Variants in KCTD8 observed in about 807,000 individuals in gnomAD.
The protein encoded by KCTD8 is BTB/POZ domain-containing protein KCTD8.
In KCTD8, 27 loss-of-function variants were observed where a neutral mutation model predicts 31.5. The ratio of observed to expected loss-of-function variants is 0.86; its 90% CI spans 0.63 to 1.18. KCTD8 has a LOEUF of 1.18. Among genes scored for constraint, KCTD8 ranks in the 50% most tolerant of loss-of-function variants. The pLI is 0.00. For synonymous variants in KCTD8, 290 were observed against 280.0 expected, an observed-to-expected ratio of 1.04 and a Z score of -0.36; for missense variants, 658 against 647.7, an observed-to-expected ratio of 1.02 and a Z score of -0.17.
At chr4:44,340,720 C>A (rs766413299) in intron 1 of KCTD8, among the ~76,000 whole-genome samples, 1 of 151,940 alleles carries the variant, frequency 6.6e-6, no homozygotes, top group Non-Finnish European at 1.5e-5. Flanking sequence ...ACAACGTAAA[C>A]CTGAGCAAAA....
At chr4:44,272,333 A>G (rs1716637350) in intron 1 of KCTD8, among the ~76,000 whole-genome samples, 1 of 151,894 alleles carries the variant, frequency 6.6e-6, no homozygotes, top group African/African-American at 2.4e-5. Flanking sequence ...AAATAAGCAA[A>G]AAAATTTTTT....
chr4:44,319,689 G>T (rs1484814063), intron 1 of KCTD8, among the ~76,000 whole-genome samples: 1 of 152,064 alleles, frequency 6.6e-6, no homozygotes, highest in African/African-American at 2.4e-5. Flanking sequence ...GGAAAGAAAA[G>T]AATCTGGAAT....
intron 1 of KCTD8, among the ~76,000 whole-genome samples, chr4:44,260,214 T>C (rs1370472848): frequency 6.6e-6 from 1 of 151,888 alleles, no homozygotes; most frequent in East Asian, 1.9e-4. Context: ...GAATATCTTC[T>C]AGGAAATATA....
chr4:44,236,228 T>C (rs1008807392), intron 1 of KCTD8, among the ~76,000 whole-genome samples: 2 of 152,124 alleles, frequency 1.3e-5, no homozygotes, highest in African/African-American at 4.8e-5. Flanking sequence ...TATCTTTTGG[T>C]GTCTTCCACT....
At chr4:44,328,037 A>G (rs1173463283) in intron 1 of KCTD8, among the ~76,000 whole-genome samples, 1 of 151,894 alleles carries the variant, frequency 6.6e-6, no homozygotes, top group Non-Finnish European at 1.5e-5. Context: ...CACATCAAAT[A>G]CTAATTTATT....
At chr4:44,269,050 C>T (rs1181676367) in intron 1 of KCTD8, among the ~76,000 whole-genome samples, 4 of 152,100 alleles carry the variant, frequency 2.6e-5, no homozygotes, top group Non-Finnish European at 5.9e-5. Flanking sequence ...CTTTAAAGTT[C>T]ATATGGAACC....
intron 1 of KCTD8, among the ~76,000 whole-genome samples, chr4:44,317,165 C>CTAACAAAG (rs1718152852): frequency 6.7e-6 from 1 of 148,316 alleles, no homozygotes; most frequent in South Asian, 2.2e-4. Flanking sequence ...GTTAATATAT[C>CTAACAAAG]TAACAAAGTT....
intron 1 of KCTD8, among the ~76,000 whole-genome samples, chr4:44,214,816 C>A (rs1220428257): frequency 6.6e-6 from 1 of 152,138 alleles, no homozygotes. Flanking sequence ...CAGAACTAAC[C>A]AATTAGCCAC....
chr4:44,176,171 T>C (rs1010570604), intron 1 of KCTD8, among the ~76,000 whole-genome samples: 1 of 152,196 alleles, frequency 6.6e-6, no homozygotes, highest in African/African-American at 2.4e-5. Flanking sequence ...ACTCAACTCT[T>C]ATTTTATTTT....
At chr4:44,422,013 T>C (rs1421359890) in intron 1 of KCTD8, among the ~76,000 whole-genome samples, 2 of 152,160 alleles carry the variant, frequency 1.3e-5, no homozygotes, top group Non-Finnish European at 2.9e-5. Context: ...CATTCCTTCT[T>C]TCTTTGATTT....
At chr4:44,317,439 C>T (rs1223062376) in intron 1 of KCTD8, among the ~76,000 whole-genome samples, 1 of 140,226 alleles carries the variant, frequency 7.1e-6, no homozygotes, top group Admixed American at 6.8e-5. Flanking sequence ...CGGGGTTTCA[C>T]CTTGTTAGCC....
chr4:44,405,953 A>G lies in KCTD8; in HGVS notation c.961+41610T>C, dbSNP rs73812275. On this transcript the variant is annotated intron_variant, in intron 1 of 1. Transcript: ENST00000360029. ...AGAAGAAAAGGGTACCCATGCTAGA[A>G]GACTGACATCATATTTTGGCAGCTC... 7.5e-3 allele frequency among the ~76,000 whole-genome samples: 1,135 copies of G among 152,284 alleles called. 16 individuals carry two copies. The highest frequency in any genetic ancestry group is 0.026 in the African/African-American group (1,063 of 41,574).
chr4:44,410,320 T>C (rs1339240929), intron 1 of KCTD8, among the ~76,000 whole-genome samples: 1 of 152,186 alleles, frequency 6.6e-6, no homozygotes, highest in Non-Finnish European at 1.5e-5. Flanking sequence ...AGTGTAATAC[T>C]AATCACAATA....
At chr4:44,177,871 G>A (rs1713263652) in intron 1 of KCTD8, among the ~76,000 whole-genome samples, 1 of 152,100 alleles carries the variant, frequency 6.6e-6, no homozygotes, top group Admixed American at 6.5e-5. Flanking sequence ...CATATTAAAT[G>A]TTATTAAATG....
At chr4:44,307,806 T>C (rs1022182445) in intron 1 of KCTD8, among the ~76,000 whole-genome samples, 4 of 151,980 alleles carry the variant, frequency 2.6e-5, no homozygotes, top group African/African-American at 9.7e-5. Flanking sequence ...TAACTCTTTT[T>C]CCGCAAAATG....
chr4:44,246,437 A>G (rs906999447), intron 1 of KCTD8, among the ~76,000 whole-genome samples: 14 of 152,020 alleles, frequency 9.2e-5, no homozygotes, highest in Admixed American at 7.9e-4. Flanking sequence ...TTCAAGGAAT[A>G]TGCTCCATTG....
At position 44,267,890 on chromosome 4, in the gene KCTD8, G is replaced by A. The variant is rs1716439756; in HGVS notation, c.962-92640C>T. 1.3e-5 allele frequency among the ~76,000 whole-genome samples: 2 copies of A among 152,108 alleles called. 1 individual carries two copies. The highest frequency in any genetic ancestry group is 4.1e-4 in the South Asian group (2 of 4,826). ...GACCAATAACAGGCTCTTAAATTGT[G>A]GCAATTATCAATAGCTTACCAACCA... is the stretch of plus-strand genomic sequence containing the variant. On this transcript the variant is annotated intron_variant, in intron 1 of 1. Coordinates refer to ENST00000360029, the MANE Select transcript of KCTD8 (RefSeq NM_198353.3).
intron 1 of KCTD8, among the ~76,000 whole-genome samples, chr4:44,321,194 G>A (rs573731283): frequency 1.1e-4 from 16 of 152,068 alleles, no homozygotes; most frequent in South Asian, 1.0e-3. Context: ...TTACTTCCTC[G>A]TGTCTTAAAC....
At chr4:44,341,747 A>G (rs1340485519) in intron 1 of KCTD8, among the ~76,000 whole-genome samples, 3 of 152,298 alleles carry the variant, frequency 2.0e-5, no homozygotes, top group Admixed American at 6.5e-5. Context: ...GAACCCTACA[A>G]AGATATTCAT....
Sources: gnomAD v4.1 joint callset for allele counts (sites outside exome capture counted in the v4.1 genomes callset) on GRCh38, gnomAD v4.1.1 for gene constraint, MANE v1.5 for transcripts, NCBI Gene and HGNC (gene_info 2026-07-23, HGNC 2026-07-21) for gene names.